The following TRIOBP variants were observed in gnomAD, a reference collection of about 807,000 sequenced individuals.
The protein encoded by TRIOBP is TRIO and F-actin-binding protein.
A neutral mutation model predicts 238.8 loss-of-function variants in TRIOBP; 169 were observed. The observed-to-expected ratio is 0.71, with a 90% CI of 0.62 to 0.80. The LOEUF is 0.80. Among genes scored for constraint, TRIOBP ranks in the 30% least tolerant of loss-of-function variants. The pLI is 0.00. For synonymous variants in TRIOBP, 1,150 were observed against 1,274.4 expected (o/e 0.90, Z 2.08); for missense variants, 2,838 against 3,122.6 (o/e 0.91, Z 2.17).
At chr22:37,743,801 ATGTGTG>A (rs71195050) in intron 11 of TRIOBP, among the ~76,000 whole-genome samples, 5,540 of 114,134 alleles carry the variant, frequency 0.049, 152 homozygotes, top group East Asian at 0.086. Flanking sequence ...GAGAGAGAGA[ATGTGTG>A]TGTGTGTGTG....
chr22:37,726,940 C>G (rs1924200044), intron 7 of TRIOBP, among the ~76,000 whole-genome samples: 1 of 147,830 alleles, frequency 6.8e-6, no homozygotes, highest in African/African-American at 2.5e-5. Context: ...GAGTTTTGCT[C>G]TTGTTGCCCA....
At chr22:37,765,846 C>T (rs1485486040) in intron 18 of TRIOBP, 29 bp downstream of exon 18, 1 of 1,576,626 alleles carries the variant, frequency 6.3e-7, no homozygotes, top group Non-Finnish European at 8.6e-7. Flanking sequence ...GCACAGTGGG[C>T]TGGGCTCTGA....
At position 37,726,074 on chromosome 22, in the gene TRIOBP, C is replaced by T. The variant is rs201840128; in HGVS notation, c.3518C>T (p.Ser1173Phe). Reference protein sequence around the residue: ...PVCIGHRDAPSFSSPPRQAPE... With the variant: ...PVCIGHRDAPFFSSPPRQAPE... ...TGCATTGGGCACCGGGATGCACCCT[C>T]CTTCTCATCCCCACCACGCCAGGCT... Residue 1173 changes from serine (S) to phenylalanine (F), a missense_variant, in exon 7 of 24, where the codon TCC becomes TTC. Physicochemically the swap from Ser to Phe is radical, Grantham distance 155. Transcript: ENST00000644935. 1.4e-5 allele frequency: 23 copies of T among 1,591,866 alleles called. No homozygotes were observed. Among genetic ancestry groups the T allele is most frequent in the Non-Finnish European group, 1.9e-5 (22 of 1,169,466 alleles).
chr22:37,751,306 C>T (rs879395847), intron 11 of TRIOBP: 4 of 334,964 alleles, frequency 1.2e-5, no homozygotes, highest in African/African-American at 4.3e-5. Flanking sequence ...CTCCTGGAGC[C>T]GAGGAAAGGA....
rs117810834 is a variant in TRIOBP, at chr22:37,771,151, A to T, written c.6850-499A>T. Among the ~76,000 whole-genome samples the T allele has an allele frequency of 6.9e-4, 105 of 152,346 alleles. 1 individual carries two copies. The East Asian group carries it at 0.017, about 25-fold the overall frequency. ...AGGAAACTGAGGCACAGGAAGGTCA[A>T]GTACCTTACCAAAGCTTTTATAGCT... On this transcript the variant is annotated intron_variant, in intron 21 of 23. Transcript: ENST00000644935.
intron 17 of TRIOBP, chr22:37,759,547 C>T: frequency 1.2e-6 from 2 of 1,600,714 alleles, no homozygotes; most frequent in Non-Finnish European, 1.7e-6. Context: ...CGGCTGACTG[C>T]AGAGCCTGTG....
At chr22:37,717,486 C>T (rs556919960) in intron 6 of TRIOBP, among the ~76,000 whole-genome samples, 8 of 152,082 alleles carry the variant, frequency 5.3e-5, no homozygotes, top group South Asian at 2.1e-4. Flanking sequence ...TTTGACAGGG[C>T]GCTGATTGGT....
intron 9 of TRIOBP, among the ~76,000 whole-genome samples, chr22:37,738,330 T>TGGTA (rs767677072): frequency 1.8e-5 from 1 of 54,318 alleles, no homozygotes; most frequent in East Asian, 9.8e-4. Context: ...GAATGTCAGA[T>TGGTA]GATAGATGTT....
Position 37,751,846 on chromosome 22 carries a change from G to A in TRIOBP, c.5379+18G>A, listed in dbSNP as rs529673491. 4.0e-5 allele frequency: 65 copies of A among 1,613,848 alleles called. No individual in the cohort carries two copies. The South Asian group carries it at 5.5e-4, about 14-fold the overall frequency. On this transcript the variant is annotated intron_variant, in intron 12 of 23. Transcript: ENST00000644935. The stretch of plus-strand genomic sequence containing the variant: ...CTGGAGAGGTAAGAGGACTGAGGCC[G>A]GAGGGGAGGAAGCTGGCTTGTGCTG...
chr22:37,772,622 A>C lies in TRIOBP; in HGVS notation c.6958A>C (p.Lys2320Gln), dbSNP rs1355936265. 1 of 1,614,116 alleles carries C rather than the reference A, an allele frequency of 6.2e-7. No individual in the cohort carries two copies. Among genetic ancestry groups the C allele is most frequent in the Non-Finnish European group, 8.5e-7 (1 of 1,180,024 alleles). The change falls in exon 23 of 24, where the codon AAG becomes CAG. Residue 2320 changes from lysine (K) to glutamine (Q), a missense_variant. This residue lies in a region of TRIOBP where 2,096 missense variants were observed against 2,137.4 expected (regional missense o/e 0.98). Coordinates refer to ENST00000644935, the MANE Select transcript of TRIOBP (RefSeq NM_001039141.3). ...CCAGGACAAGCGCTTCACCTCGGGA[A>C]AGTACCAGGACGTCTATGTGGAGCT... ...MQKDKRFTSG[K>Q]YQDVYVELSH...
At chr22:37,750,966 G>A (rs1010164351) in intron 11 of TRIOBP, 6 of 368,506 alleles carry the variant, frequency 1.6e-5, no homozygotes, top group East Asian at 7.4e-5. Flanking sequence ...CCCTGCCGGC[G>A]CCAGGAGCGG....
intron 3 of TRIOBP, among the ~76,000 whole-genome samples, chr22:37,705,309 A>AG (rs1175215920): frequency 2.0e-5 from 3 of 151,534 alleles, no homozygotes; most frequent in Non-Finnish European, 4.4e-5. Context: ...CAGGAGGCAG[A>AG]GGTTGCAGTG....
At chr22:37,716,029 C>T in intron 6 of TRIOBP, 95 bp downstream of exon 6, 1 of 1,369,932 alleles carries the variant, frequency 7.3e-7, no homozygotes, top group Non-Finnish European at 1.0e-6. Flanking sequence ...GCACGGCTTA[C>T]TTTGGTGGCC....
At chr22:37,746,052 T>TCCCGCCGTCCCGCCGC (rs1555898793) in intron 11 of TRIOBP, among the ~76,000 whole-genome samples, 13 of 123,276 alleles carry the variant, frequency 1.1e-4, no homozygotes, top group South Asian at 2.7e-4. Flanking sequence ...CACCCCGCCG[T>TCCCGCCGTCCCGCCGC]CCCGCCGTCC....
At chr22:37,737,253 G>A (rs1291129163) in intron 9 of TRIOBP, among the ~76,000 whole-genome samples, 1 of 152,158 alleles carries the variant, frequency 6.6e-6, no homozygotes, top group African/African-American at 2.4e-5. Context: ...GAGGCTAGGA[G>A]ATGGTGGCTG....
intron 22 of TRIOBP, 26 bp from the exon 23 acceptor site, chr22:37,772,575 C>T (rs1377581359): frequency 6.2e-7 from 1 of 1,613,806 alleles, no homozygotes; most frequent in Non-Finnish European, 8.5e-7. Flanking sequence ...GACTTCATGC[C>T]CTCATACCTG....
chr22:37,708,828 G>T (rs953605406), intron 3 of TRIOBP, among the ~76,000 whole-genome samples: 1 of 152,322 alleles, frequency 6.6e-6, no homozygotes. Context: ...GTGCTGACCC[G>T]CCAGACAGGA....
intron 10 of TRIOBP, among the ~76,000 whole-genome samples, chr22:37,740,096 T>G (rs79855558): frequency 0.012 from 1,860 of 152,306 alleles, 43 homozygotes; most frequent in African/African-American, 0.043. Context: ...AGGACTGTGA[T>G]GGGGAATGTG....
chr22:37,756,993 C>T (rs1464383692), intron 15 of TRIOBP, among the ~76,000 whole-genome samples: 4 of 152,210 alleles, frequency 2.6e-5, no homozygotes, highest in South Asian at 2.1e-4. Flanking sequence ...TTTCCACGTT[C>T]GCCCACCCTG....
Sources: allele counts gnomAD v4.1 joint callset (sites outside exome capture counted in the v4.1 genomes callset), GRCh38; gene constraint gnomAD v4.1.1; regional missense constraint gnomAD v4.1.1; transcripts MANE v1.5; gene names NCBI Gene and HGNC (gene_info 2026-07-23, HGNC 2026-07-21).